PLGRKT: variants seen among roughly 807,000 people sequenced by gnomAD.
PLGRKT encodes the protein plasminogen receptor (KT).
PLGRKT carries 22 observed loss-of-function variants against 18.5 expected under a neutral mutation model. That is an observed-to-expected ratio of 1.19 (90% CI 0.85 to 1.70). The LOEUF is 1.70. Among genes scored for constraint, PLGRKT ranks in the 40% most tolerant of loss-of-function variants. The pLI is 0.00. For missense variants in PLGRKT, 235 were observed against 174.4 expected (o/e 1.35, Z -1.96); for synonymous variants, 72 against 52.8 (o/e 1.36, Z -1.58).
At chr9:5,417,057 C>T (rs905343047) in intron 3 of PLGRKT, among the ~76,000 whole-genome samples, 1 of 152,196 alleles carries the variant, frequency 6.6e-6, no homozygotes, top group Non-Finnish European at 1.5e-5. Context: ...CATTTAGATA[C>T]AGTCCTTCTT....
intron 1 of PLGRKT, among the ~76,000 whole-genome samples, chr9:5,437,168 G>C (rs934928779): frequency 1.3e-5 from 2 of 152,126 alleles, no homozygotes; most frequent in African/African-American, 4.8e-5. Flanking sequence ...TGTATTTCTG[G>C]GGAGGAGAAG....
chr9:5,361,212 C>T (rs375662830), intron 4 of PLGRKT, 25 bp from the exon 5 acceptor site: 93 of 1,378,100 alleles, frequency 6.7e-5, no homozygotes, highest in Non-Finnish European at 9.4e-5. Flanking sequence ...AAAAGAAGAA[C>T]CAATATCAAA....
intron 3 of PLGRKT, among the ~76,000 whole-genome samples, chr9:5,400,198 A>G (rs570884032): frequency 6.6e-6 from 1 of 151,910 alleles, no homozygotes; most frequent in Admixed American, 6.5e-5. Context: ...AAGAAAACAT[A>G]TGATCACAGA....
intron 3 of PLGRKT, among the ~76,000 whole-genome samples, chr9:5,416,543 T>C (rs1359300093): frequency 6.6e-6 from 1 of 152,024 alleles, no homozygotes; most frequent in African/African-American, 2.4e-5. Context: ...AATTAATAAA[T>C]AATAAAGCAA....
At chr9:5,413,835 A>G (rs1209144865) in intron 3 of PLGRKT, among the ~76,000 whole-genome samples, 1 of 152,264 alleles carries the variant, frequency 6.6e-6, no homozygotes, top group Admixed American at 6.5e-5. Context: ...ATATAGCTAC[A>G]CAATAAAATT....
intron 3 of PLGRKT, among the ~76,000 whole-genome samples, chr9:5,403,808 T>C (rs1320876627): frequency 6.6e-6 from 1 of 152,246 alleles, no homozygotes; most frequent in East Asian, 1.9e-4. Flanking sequence ...TCATGCACTT[T>C]TCTTCACATA....
intron 3 of PLGRKT, among the ~76,000 whole-genome samples, chr9:5,399,532 A>G (rs1818116416): frequency 6.6e-6 from 1 of 151,862 alleles, no homozygotes; most frequent in African/African-American, 2.4e-5. Flanking sequence ...CTCTAATGTT[A>G]TATTTATTAA....
At chr9:5,402,701 C>G (rs745590296) in intron 3 of PLGRKT, among the ~76,000 whole-genome samples, 17 of 151,924 alleles carry the variant, frequency 1.1e-4, no homozygotes, top group Non-Finnish European at 2.1e-4. Flanking sequence ...TTCAGGTCTC[C>G]ACCCAACTTA....
At chr9:5,407,458 A>G (rs1268808053) in intron 3 of PLGRKT, among the ~76,000 whole-genome samples, 1 of 152,218 alleles carries the variant, frequency 6.6e-6, no homozygotes. Context: ...TAATTATTAT[A>G]GAACTTCTGA....
At position 5,406,615 on chromosome 9, in the gene PLGRKT, TG is replaced by T. The variant is rs1041050272; in HGVS notation, c.81+25281del. The stretch of plus-strand genomic sequence containing the variant: ...TTCACTGGGGCCTGTTGGGGGAGGG[TG>T]GGCCAGGGGGAGAACATTAGGGAAA... On this transcript the variant is annotated intron_variant, in intron 3 of 5. Transcript: ENST00000223864. Among the ~76,000 whole-genome samples, 131 of 83,232 alleles carry T rather than the reference TG, an allele frequency of 1.6e-3. 2 individuals are homozygous for T. The highest frequency in any genetic ancestry group is 3.7e-4 in the Non-Finnish European group (15 of 40,630). 54.6% of individuals were successfully genotyped at this position (83,232 alleles called of 152,430 possible).
chr9:5,432,039 A>G (rs921909620), intron 2 of PLGRKT, 56 bp from the exon 3 acceptor site: 3 of 777,504 alleles, frequency 3.9e-6, no homozygotes, highest in Non-Finnish European at 6.9e-6. Context: ...GCATTCTTGT[A>G]TGCTCCACTT....
At chr9:5,403,687 C>T (rs1195692022) in intron 3 of PLGRKT, among the ~76,000 whole-genome samples, 2 of 152,202 alleles carry the variant, frequency 1.3e-5, no homozygotes, top group East Asian at 3.8e-4. Flanking sequence ...ATTGAGTAAA[C>T]TTCTATCCTG....
At chr9:5,432,839 C>A (rs972961915) in intron 2 of PLGRKT, among the ~76,000 whole-genome samples, 1 of 152,208 alleles carries the variant, frequency 6.6e-6, no homozygotes, top group Non-Finnish European at 1.5e-5. Context: ...GTGATCTCGG[C>A]TGGCTACAAC....
At chr9:5,376,150 G>C (rs1421529528) in intron 3 of PLGRKT, among the ~76,000 whole-genome samples, 1 of 152,164 alleles carries the variant, frequency 6.6e-6, no homozygotes, top group Non-Finnish European at 1.5e-5. Flanking sequence ...CAAATTAATA[G>C]AGAGAGACAG....
chr9:5,409,350 A>G (rs1442088436), intron 3 of PLGRKT, among the ~76,000 whole-genome samples: 1 of 152,204 alleles, frequency 6.6e-6, no homozygotes, highest in Non-Finnish European at 1.5e-5. Context: ...AAAGACGTGA[A>G]AAGGTTAGAC....
At chr9:5,399,849 G>A (rs1216887000) in intron 3 of PLGRKT, among the ~76,000 whole-genome samples, 1 of 151,566 alleles carries the variant, frequency 6.6e-6, no homozygotes, top group Admixed American at 6.6e-5. Context: ...AAATTAGCCA[G>A]GCCTGGTGGT....
chr9:5,388,078 G>A (rs1228639494), intron 3 of PLGRKT, among the ~76,000 whole-genome samples: 1 of 151,960 alleles, frequency 6.6e-6, no homozygotes, highest in Non-Finnish European at 1.5e-5. Flanking sequence ...GAAGGCATCA[G>A]TTATGCGGGA....
chr9:5,381,052 T>C (rs963543973), intron 3 of PLGRKT, among the ~76,000 whole-genome samples: 10 of 152,238 alleles, frequency 6.6e-5, no homozygotes, highest in African/African-American at 2.4e-4. Context: ...CCTTCTGCCA[T>C]GATTGTAAGT....
intron 3 of PLGRKT, among the ~76,000 whole-genome samples, chr9:5,383,097 C>A (rs1371404911): frequency 6.6e-6 from 1 of 152,180 alleles, no homozygotes; most frequent in Non-Finnish European, 1.5e-5. Flanking sequence ...ATAAAAGACA[C>A]ACAGAGTAGA....
Sources: gnomAD v4.1 joint callset for allele counts (sites outside exome capture counted in the v4.1 genomes callset) on GRCh38, gnomAD v4.1.1 for gene constraint, MANE v1.5 for transcripts, NCBI Gene and HGNC (gene_info 2026-07-23, HGNC 2026-07-21) for gene names.